CFLAR: variants seen among roughly 807,000 people sequenced by gnomAD.
The protein encoded by CFLAR is CASP8 and FADD like apoptosis regulator.
In CFLAR, 14 loss-of-function variants were observed where a neutral mutation model predicts 51.1. The ratio of observed to expected loss-of-function variants is 0.27; its 90% CI spans 0.18 to 0.43. The LOEUF (loss-of-function observed/expected upper bound fraction) is 0.43, where lower values mean the gene tolerates loss of function less well. Among genes scored for constraint, CFLAR ranks in the 20% least tolerant of loss-of-function variants. The pLI is 1.00. For missense variants in CFLAR, 390 were observed against 566.5 expected (o/e 0.69, Z 3.16); for synonymous variants, 210 against 211.6 (o/e 0.99, Z 0.06).
intron 2 of CFLAR, among the ~76,000 whole-genome samples, chr2:201,132,430 A>AAAAATATAT (rs34318341): frequency 1.4e-5 from 2 of 137,960 alleles, no homozygotes; most frequent in African/African-American, 5.5e-5. Flanking sequence ...GGGGGGGAAA[A>AAAAATATAT]ATATATATAT....
chr2:201,137,730 A>G (rs2050335515), intron 4 of CFLAR: 2 of 795,502 alleles, frequency 2.5e-6, no homozygotes, highest in Admixed American at 1.7e-5. Flanking sequence ...GATGGAGCCC[A>G]AGACATCCTG....
chr2:201,161,033 A>G (rs1237176830), intron 9 of CFLAR, 91 bp downstream of exon 9: 1 of 888,064 alleles, frequency 1.1e-6, no homozygotes, highest in African/African-American at 1.7e-5. Context: ...TTTGCTGCCC[A>G]TCTCTTCCGG....
chr2:201,153,874 T>G (rs1447970727), intron 8 of CFLAR, among the ~76,000 whole-genome samples: 1 of 151,784 alleles, frequency 6.6e-6, no homozygotes, highest in Non-Finnish European at 1.5e-5. Context: ...AGAACTAATT[T>G]GCTAGGAATA....
intron 7 of CFLAR, 32 bp downstream of exon 7, chr2:201,149,084 A>G: frequency 1.4e-6 from 2 of 1,451,574 alleles, no homozygotes; most frequent in Non-Finnish European, 1.9e-6. Flanking sequence ...TTGGTATTAT[A>G]TGTACATAGC....
rs973962331 is a variant in CFLAR at position 201,167,542 on chromosome 2, A to G, written c.*3569A>G. On this transcript the variant is annotated 3_prime_UTR_variant, in exon 10 of 10. Transcript: ENST00000309955. ...ATAAATAAAACCACCAGCACCACAA[A>G]CAACAACAAAAAGTTATTTTGTACT... The G allele has an allele frequency of 1.3e-5, 2 of 152,162 alleles. No homozygotes were observed. The highest frequency in any genetic ancestry group is 2.9e-5 in the Non-Finnish European group (2 of 68,044). The allele number at this position is 152,162 out of a possible 1,614,324, so 9.4% of individuals were successfully genotyped here. A position where few individuals can be genotyped will look rare whatever the true frequency, so the allele number is the denominator to read the frequency against.
intron 6 of CFLAR, chr2:201,148,195 T>TA (rs1940614794): frequency 6.6e-6 from 1 of 152,236 alleles, no homozygotes; most frequent in African/African-American, 2.4e-5. Context: ...AAGCATATAT[T>TA]AATACATGTG....
At chr2:201,158,556 C>CCTTT (rs1553561222) in intron 8 of CFLAR, among the ~76,000 whole-genome samples, 4 of 152,102 alleles carry the variant, frequency 2.6e-5, no homozygotes, top group Non-Finnish European at 5.9e-5. Context: ...TGATTAGAGA[C>CCTTT]GTGTGAGTCC....
At chr2:201,145,340 A>G (rs41271461) in intron 5 of CFLAR, 38 bp from the exon 6 acceptor site, 36 of 1,270,326 alleles carry the variant, frequency 2.8e-5, no homozygotes, top group Non-Finnish European at 3.7e-5. Context: ...CTCTGAAATA[A>G]CTAACAGGAA....
At chr2:201,155,387 C>T (rs961950334) in intron 8 of CFLAR, among the ~76,000 whole-genome samples, 1 of 151,790 alleles carries the variant, frequency 6.6e-6, no homozygotes, top group Non-Finnish European at 1.5e-5. Flanking sequence ...GCCTCAGCCT[C>T]CTGAGTAGCT....
Position 201,160,933 on chromosome 2 carries a change from G to A in CFLAR, c.1295G>A (p.Arg432Lys), listed in dbSNP as rs566207314. 1 of 1,611,376 alleles carries A rather than the reference G, an allele frequency of 6.2e-7. No individual in the cohort carries two copies. Among genetic ancestry groups the A allele is most frequent in the Admixed American group, 1.7e-5 (1 of 59,930 alleles). The change falls in exon 9 of 10, where the codon AGA becomes AAA. Residue 432 changes from arginine (R) to lysine (K), a missense_variant. Arg to Lys is a conservative substitution (Grantham distance 26). Transcript: ENST00000309955. ...LYLQCLSQKL[R>K]QERKRPLLDL... The stretch of plus-strand genomic sequence containing the variant: ...CTGCAGTGCCTCTCCCAGAAACTGA[G>A]ACAAGAAAGGTGAGCCCCCAGGAGG...
Position 201,165,001 on chromosome 2 carries a change from C to T in CFLAR, c.*1028C>T, listed in dbSNP as rs896852749. 2.0e-5 allele frequency: 3 copies of T among 152,092 alleles called. No individual in the cohort carries two copies. The highest frequency in any genetic ancestry group is 7.2e-5 in the African/African-American group (3 of 41,416). The allele number at this position is 152,092 out of a possible 1,614,324, so 9.4% of individuals were successfully genotyped here. Reference sequence around the variant, plus strand: ...CCATTCATGAGGGCTCTACCCTCATCACCTAATTACCTCCCAAAGGCCCCA... The same window carrying T: ...CCATTCATGAGGGCTCTACCCTCATTACCTAATTACCTCCCAAAGGCCCCA... On this transcript the variant is annotated 3_prime_UTR_variant, in exon 10 of 10. Transcript: ENST00000309955.
At chr2:201,140,494 A>G (rs1261496017) in intron 5 of CFLAR, 55 bp downstream of exon 5, 1 of 1,303,500 alleles carries the variant, frequency 7.7e-7, no homozygotes, top group Non-Finnish European at 1.1e-6. Flanking sequence ...CAGAGTTCTA[A>G]TAAAAATATG....
At position 201,138,497 on chromosome 2, in the gene CFLAR, CA is replaced by C. The variant is rs1351773836; in HGVS notation, c.524-1859del. ...TCTTTCAACCTCACACTGCTGGAGC[CA>C]CCACTAGCTTGATCCTTGGCATCAT... On this transcript the variant is annotated intron_variant, in intron 4 of 9. Coordinates refer to ENST00000309955, the MANE Select transcript of CFLAR (RefSeq NM_003879.7). This position sits in a 1 kb window ranked among gnomAD's most constrained non-coding sequence, Gnocchi z 4.0. The C allele has an allele frequency of 1.2e-5, 15 of 1,246,196 alleles. No homozygotes were observed. The East Asian group carries it at 2.8e-4, about 23-fold the overall frequency. The allele number at this position is 1,246,196 out of a possible 1,614,324, so 77.2% of individuals were successfully genotyped here.
At chr2:201,139,595 TG>T (rs1202271471) in intron 4 of CFLAR, 2 of 153,786 alleles carry the variant, frequency 1.3e-5, no homozygotes, top group Non-Finnish European at 2.9e-5. Flanking sequence ...GGGCTGGAGG[TG>T]GGACATGCGG....
Position 201,176,291 on chromosome 2 carries a change from C to CGGG in CFLAR, c.*12319_*12321dup, listed in dbSNP as rs1180836499. The CGGG allele has an allele frequency of 7.0e-4, 11 of 15,710 alleles. 1 individual carries two copies. Among genetic ancestry groups the CGGG allele is most frequent in the African/African-American group, 2.2e-3 (9 of 4,148 alleles). 1.0% of individuals were successfully genotyped at this position (15,710 alleles called of 1,614,324 possible). ...TGTTTTCTATTGCGGGGGGGGGGGG[C>CGGG]GGGCGGGGGAGCTGCCTGTCCCTGG... On this transcript the variant is annotated 3_prime_UTR_variant, in exon 10 of 10. Transcript: ENST00000309955.
At chr2:201,149,672 A>G (rs770834839) in intron 7 of CFLAR, 82 bp from the exon 8 acceptor site, 6 of 1,060,334 alleles carry the variant, frequency 5.7e-6, no homozygotes, top group Non-Finnish European at 8.6e-6. Context: ...GGAAATCCAA[A>G]AGAAGAGATG....
At position 201,165,089 on chromosome 2, in the gene CFLAR, A is replaced by G. The variant is rs1943409677; in HGVS notation, c.*1116A>G. On this transcript the variant is annotated 3_prime_UTR_variant, in exon 10 of 10. Transcript: ENST00000309955. Reference sequence around the variant, plus strand: ...TTTGAATTCTGGGGGGAATACAAACATTCAGTTTGTAACAATAGCCTTATG... The same window carrying G: ...TTTGAATTCTGGGGGGAATACAAACGTTCAGTTTGTAACAATAGCCTTATG... The G allele has an allele frequency of 1.3e-5, 2 of 152,058 alleles. No individual in the cohort carries two copies. Among genetic ancestry groups the G allele is most frequent in the African/African-American group, 4.8e-5 (2 of 41,382 alleles). The allele number at this position is 152,058 out of a possible 1,614,324, so 9.4% of individuals were successfully genotyped here. A position where few individuals can be genotyped will look rare whatever the true frequency, so the allele number is the denominator to read the frequency against.
rs1938403232 is a variant in CFLAR, at chr2:201,140,395, G to A, written c.562G>A (p.Ala188Thr). The A allele has an allele frequency of 6.2e-7, 1 of 1,610,840 alleles. No individual in the cohort carries two copies. Among genetic ancestry groups the A allele is most frequent in the Admixed American group, 1.7e-5 (1 of 58,932 alleles). ...AGTSYRNVLQ[A>T]AIQKSLKDPS... is the part of the protein sequence containing the mutation. ...GACAAGTTACAGGAATGTTCTCCAA[G>A]CAGCAATCCAAAAGAGTCTCAAGGA... is the stretch of plus-strand genomic sequence containing the variant. Residue 188 changes from alanine to threonine, a missense_variant, in exon 5 of 10, where the codon GCA (alanine) becomes ACA (threonine). This residue lies in a region of CFLAR where 287 missense variants were observed against 363.6 expected (regional missense o/e 0.79). Transcript: ENST00000309955.
rs538841902 is a variant in CFLAR at position 201,140,921 on chromosome 2, C to G, written c.606+482C>G. Among the ~76,000 whole-genome samples the G allele has an allele frequency of 9.1e-4, 138 of 152,108 alleles. 3 individuals carry two copies. In the South Asian group the frequency reaches 0.027, roughly 30 times the overall value. ...GCCTATGGAAAAAAATTTAAATGTA[C>G]TACAAGAGGTTTTAAAAGTATTTTT... On this transcript the variant is annotated intron_variant, in intron 5 of 9. Coordinates refer to ENST00000309955, the MANE Select transcript of CFLAR (RefSeq NM_003879.7).
Sources: gnomAD v4.1 joint callset for allele counts (sites outside exome capture counted in the v4.1 genomes callset) on GRCh38, gnomAD v4.1.1 for gene constraint, gnomAD v4.1.1 regional missense constraint, Gnocchi (gnomAD v3.1) non-coding constraint, MANE v1.5 for transcripts, NCBI Gene and HGNC (gene_info 2026-07-23, HGNC 2026-07-21) for gene names.